Variants in CDH12 observed in about 807,000 individuals in gnomAD.
CDH12 encodes the protein cadherin-12.
In CDH12, 41 loss-of-function variants were observed where a neutral mutation model predicts 74.1. That is an observed-to-expected ratio of 0.55 (90% CI 0.43 to 0.72). The LOEUF is 0.72. Among genes scored for constraint, CDH12 ranks in the 30% least tolerant of loss-of-function variants. CDH12 has a pLI of 0.00. For missense variants in CDH12, 945 were observed against 977.2 expected, an observed-to-expected ratio of 0.97 and a Z score of 0.44; for synonymous variants, 399 against 355.0, an observed-to-expected ratio of 1.12 and a Z score of -1.39.
chr5:22,107,892 T>G (rs1471077220), intron 4 of CDH12, among the ~76,000 whole-genome samples: 1 of 152,154 alleles, frequency 6.6e-6, no homozygotes, highest in Non-Finnish European at 1.5e-5. Context: ...ATAAAATGTG[T>G]TACAGGCATA....
At chr5:21,768,510 T>A (rs1430143004) in intron 11 of CDH12, among the ~76,000 whole-genome samples, 1 of 151,952 alleles carries the variant, frequency 6.6e-6, no homozygotes, top group Non-Finnish European at 1.5e-5. Context: ...GATAAAGGAA[T>A]CTTTTAAATT....
chr5:21,760,913 A>G (rs892727659), intron 12 of CDH12, among the ~76,000 whole-genome samples: 3 of 152,188 alleles, frequency 2.0e-5, no homozygotes, highest in African/African-American at 7.2e-5. Flanking sequence ...CTGCGTAACT[A>G]AAAAGGTAAC....
chr5:22,825,430 G>T (rs1375758369), intron 1 of CDH12, among the ~76,000 whole-genome samples: 1 of 152,092 alleles, frequency 6.6e-6, no homozygotes, highest in South Asian at 2.1e-4. Context: ...TTTAAATAAA[G>T]ATCCGAAGAA....
At chr5:22,247,879 C>T (rs1046865046) in intron 3 of CDH12, among the ~76,000 whole-genome samples, 3 of 152,110 alleles carry the variant, frequency 2.0e-5, no homozygotes, top group Non-Finnish European at 4.4e-5. Flanking sequence ...TGTGGCCAGA[C>T]ATATGCTCAA....
intron 4 of CDH12, among the ~76,000 whole-genome samples, chr5:22,079,461 A>T (rs1453547041): frequency 6.6e-6 from 1 of 152,198 alleles, no homozygotes; most frequent in African/African-American, 2.4e-5. Flanking sequence ...AAGTTAGAGA[A>T]TAGAAAGATA....
intron 5 of CDH12, among the ~76,000 whole-genome samples, chr5:22,059,608 T>C (rs1166658966): frequency 2.0e-5 from 3 of 152,088 alleles, no homozygotes; most frequent in Admixed American, 2.0e-4. Flanking sequence ...GAAAATATCA[T>C]TGCACAATTT....
At chr5:22,199,265 C>T (rs1397206143) in intron 4 of CDH12, among the ~76,000 whole-genome samples, 2 of 152,078 alleles carry the variant, frequency 1.3e-5, no homozygotes, top group Non-Finnish European at 2.9e-5. Context: ...CCAAAGACAA[C>T]GAAGAGACTC....
At chr5:22,770,501 C>T (rs1746749647) in intron 1 of CDH12, among the ~76,000 whole-genome samples, 1 of 152,044 alleles carries the variant, frequency 6.6e-6, no homozygotes, top group Non-Finnish European at 1.5e-5. Context: ...ATCCATATAG[C>T]ATACAATGTT....
At chr5:22,668,774 A>G (rs1472246013) in intron 1 of CDH12, among the ~76,000 whole-genome samples, 3 of 152,172 alleles carry the variant, frequency 2.0e-5, no homozygotes, top group Admixed American at 6.5e-5. Flanking sequence ...GGGACATTCA[A>G]ATCATAGCAG....
chr5:21,973,336 C>G (rs1756934812), intron 6 of CDH12, among the ~76,000 whole-genome samples: 1 of 152,200 alleles, frequency 6.6e-6, no homozygotes, highest in Non-Finnish European at 1.5e-5. Context: ...AGAACCTATT[C>G]TTCCAAAGAT....
chr5:22,775,712 A>G (rs1036045675), intron 1 of CDH12, among the ~76,000 whole-genome samples: 7 of 152,096 alleles, frequency 4.6e-5, no homozygotes, highest in Non-Finnish European at 1.0e-4. Flanking sequence ...AATATTTTAC[A>G]TGTACTATGA....
chr5:22,462,077 G>T (rs2260037), intron 2 of CDH12, among the ~76,000 whole-genome samples: 71,114 of 151,902 alleles, frequency 0.47, 17,078 homozygotes, highest in Admixed American at 0.64. Flanking sequence ...GATAATTTAT[G>T]AATCTTAGAG....
chr5:22,262,542 T>G lies in CDH12; in HGVS notation c.-332-49899A>C, dbSNP rs1436580433. Among the ~76,000 whole-genome samples, 3 of 151,456 alleles carry G rather than the reference T, an allele frequency of 2.0e-5. No homozygotes were observed. The East Asian group carries it at 5.8e-4, about 30-fold the overall frequency. ...GTTGGACATTTGGGTTGGTTCCAAG[T>G]CTTTGCTATTGTGAATAGTGCCGCA... On this transcript the variant is annotated intron_variant, in intron 3 of 14. Transcript: ENST00000382254.
chr5:22,379,787 T>C (rs1741683323), intron 3 of CDH12, among the ~76,000 whole-genome samples: 1 of 152,192 alleles, frequency 6.6e-6, no homozygotes, highest in African/African-American at 2.4e-5. Flanking sequence ...ATTGAGTCTC[T>C]TTCTGTTGCT....
Position 22,091,182 on chromosome 5 carries a change from AGTGT to A in CDH12, c.-186-12324_-186-12321del, listed in dbSNP as rs199612473. On this transcript the variant is annotated intron_variant, in intron 4 of 14. Coordinates refer to ENST00000382254, the MANE Select transcript of CDH12 (RefSeq NM_004061.5). Reference sequence around the variant, plus strand: ...TGATCTTTTATATTAAATATCCTAAAGTGTGTGTGTGTGTGTATATATATATATA... The same window carrying A: ...TGATCTTTTATATTAAATATCCTAAAGTGTGTGTGTGTATATATATATATA... Among the ~76,000 whole-genome samples, 4 of 135,658 alleles carry A rather than the reference AGTGT, an allele frequency of 2.9e-5. 1 individual carries two copies. In the East Asian group the frequency reaches 6.2e-4, roughly 21 times the overall value. 89.0% of individuals were successfully genotyped at this position (135,658 alleles called of 152,430 possible).
chr5:21,877,808 G>A (rs764664153), intron 6 of CDH12, among the ~76,000 whole-genome samples: 5 of 152,212 alleles, frequency 3.3e-5, no homozygotes, highest in African/African-American at 4.8e-5. Context: ...CTACAGAAGA[G>A]TGTACAATTC....
intron 6 of CDH12, among the ~76,000 whole-genome samples, chr5:21,891,280 T>C (rs1752886124): frequency 6.6e-6 from 1 of 152,070 alleles, no homozygotes; most frequent in Admixed American, 6.6e-5. Flanking sequence ...AGTCACCTTT[T>C]TACATCTAAC....
intron 6 of CDH12, among the ~76,000 whole-genome samples, chr5:21,898,724 T>C (rs575872349): frequency 1.3e-5 from 2 of 151,456 alleles, no homozygotes; most frequent in Non-Finnish European, 2.9e-5. Context: ...AATAAATATA[T>C]AAATAAATAA....
At chr5:22,286,375 G>T (rs1423215910) in intron 3 of CDH12, among the ~76,000 whole-genome samples, 1 of 152,050 alleles carries the variant, frequency 6.6e-6, no homozygotes, top group Non-Finnish European at 1.5e-5. Context: ...ATCTTGGTTG[G>T]CACCTAAAGT....
Sources: allele counts gnomAD v4.1 joint callset (sites outside exome capture counted in the v4.1 genomes callset), GRCh38; gene constraint gnomAD v4.1.1; transcripts MANE v1.5; gene names NCBI Gene and HGNC (gene_info 2026-07-23, HGNC 2026-07-21).